NFKBIZ: variants seen among roughly 807,000 people sequenced by gnomAD.
NFKBIZ encodes the protein NFKB inhibitor zeta.
NFKBIZ carries 19 observed loss-of-function variants against 76.8 expected under a neutral mutation model. The observed-to-expected ratio is 0.25, with a 90% CI of 0.17 to 0.36. The LOEUF (loss-of-function observed/expected upper bound fraction) is 0.36, where lower values mean the gene tolerates loss of function less well. Ranked by LOEUF, NFKBIZ falls within the 10% of genes least tolerant of loss-of-function variation. The pLI is 1.00. For synonymous variants in NFKBIZ, 368 were observed against 354.8 expected, an observed-to-expected ratio of 1.04 and a Z score of -0.42; for missense variants, 829 against 910.9, an observed-to-expected ratio of 0.91 and a Z score of 1.16.
At chr3:101,836,846 C>T (rs1256337022) in intron 2 of NFKBIZ, among the ~76,000 whole-genome samples, 1 of 152,216 alleles carries the variant, frequency 6.6e-6, no homozygotes, top group Non-Finnish European at 1.5e-5. Flanking sequence ...TCTGCTACAT[C>T]ATTTCTTTAT....
chr3:101,851,289 T>C (rs577270903), intron 1 of NFKBIZ, among the ~76,000 whole-genome samples: 1 of 152,384 alleles, frequency 6.6e-6, no homozygotes, highest in East Asian at 1.9e-4. Context: ...TGGAGTACTG[T>C]ACTTGTATAC....
chr3:101,838,537 A>G (rs1942751412), intron 2 of NFKBIZ, among the ~76,000 whole-genome samples: 1 of 152,270 alleles, frequency 6.6e-6, no homozygotes, highest in Non-Finnish European at 1.5e-5. Flanking sequence ...AGGCACTTAT[A>G]TAAACATTTA....
chr3:101,849,240 G>GCGGGAA, upstream of NFKBIZ: 1 of 152,122 alleles, frequency 6.6e-6, no homozygotes, highest in South Asian at 2.1e-4. Flanking sequence ...GGAGGCGGGA[G>GCGGGAA]GCGGGAAGCG....
exon 1 of NFKBIZ, chr3:101,828,070 G>A (rs899479717): frequency 1.3e-5 from 2 of 152,172 alleles, no homozygotes; most frequent in Non-Finnish European, 2.9e-5. Context: ...ACCTCAAAAG[G>A]AAACTGATCG....
At chr3:101,856,802 T>C (rs1943056060) in intron 9 of NFKBIZ, 1 of 324,096 alleles carries the variant, frequency 3.1e-6, no homozygotes, top group African/African-American at 2.2e-5. Flanking sequence ...TGACATAGGA[T>C]TTAAAAATAT....
intron 2 of NFKBIZ, among the ~76,000 whole-genome samples, chr3:101,837,682 C>T (rs575030970): frequency 3.9e-5 from 6 of 152,154 alleles, no homozygotes; most frequent in African/African-American, 1.4e-4. Context: ...TGTTGGTTTC[C>T]ATCCTCTCCT....
intron 6 of NFKBIZ, 122 bp downstream of exon 6, chr3:101,854,805 T>C: frequency 2.6e-6 from 2 of 778,074 alleles, no homozygotes; most frequent in Middle Eastern, 2.7e-4. Flanking sequence ...AATATTAACT[T>C]TGAGATGTTG....
In NFKBIZ at chr3:101,860,118, G is replaced by A. The variant is rs1943111334; in HGVS notation, c.*747G>A. On this transcript the variant is annotated 3_prime_UTR_variant, in exon 12 of 12. Transcript: ENST00000326172. ...CCTTTACTGGCTGAAAGATATATTC[G>A]AATTGTAAAGATGCTTTTTCTCATG... The A allele has an allele frequency of 6.6e-6, 1 of 151,828 alleles. No individual in the cohort carries two copies. Among genetic ancestry groups the A allele is most frequent in the South Asian group, 2.1e-4 (1 of 4,818 alleles). 9.4% of individuals were successfully genotyped at this position (151,828 alleles called of 1,614,324 possible). A position where few individuals can be genotyped will look rare whatever the true frequency, so the allele number is the denominator to read the frequency against.
chr3:101,855,603 T>G (rs922591685), intron 8 of NFKBIZ, 130 bp from the exon 9 acceptor site: 13 of 1,233,730 alleles, frequency 1.1e-5, no homozygotes, highest in Admixed American at 6.5e-5. Context: ...AATATTCAGA[T>G]TGCCTTACTA....
intron 2 of NFKBIZ, among the ~76,000 whole-genome samples, chr3:101,834,026 G>T (rs549291751): frequency 3.8e-4 from 58 of 152,330 alleles, no homozygotes; most frequent in African/African-American, 1.3e-3. Context: ...TACTGTTGAT[G>T]CCTTGGTGGG....
intron 2 of NFKBIZ, among the ~76,000 whole-genome samples, chr3:101,840,721 A>G (rs1942775703): frequency 6.6e-6 from 1 of 152,118 alleles, no homozygotes; most frequent in Admixed American, 6.5e-5. Context: ...GTTTATTGGG[A>G]TGTTCAACTG....
intron 1 of NFKBIZ, chr3:101,850,503 G>C (rs1189500565): frequency 2.6e-5 from 4 of 152,070 alleles, no homozygotes; most frequent in Non-Finnish European, 5.9e-5. Context: ...GAATTTTTGC[G>C]GTCTTGTTTT....
At chr3:101,857,254 C>G (rs967580729) in intron 10 of NFKBIZ, 38 bp from the exon 11 acceptor site, 2 of 1,612,512 alleles carry the variant, frequency 1.2e-6, no homozygotes, top group African/African-American at 2.7e-5. Flanking sequence ...GAAATTTCCC[C>G]CTTCCTGATG....
chr3:101,849,118 C>G (rs1332709474), upstream of NFKBIZ: 1 of 152,660 alleles, frequency 6.6e-6, no homozygotes, highest in Non-Finnish European at 1.5e-5. Context: ...CCGCCTCCCT[C>G]TGCAGGCCCA....
intron 8 of NFKBIZ, 120 bp downstream of exon 8, chr3:101,855,578 G>T: frequency 8.0e-7 from 1 of 1,249,992 alleles, no homozygotes; most frequent in South Asian, 1.3e-5. Flanking sequence ...GGTAAAATTA[G>T]ACCCAAAAAG....
chr3:101,858,996 C>A (rs1355058604), intron 11 of NFKBIZ, among the ~76,000 whole-genome samples: 2 of 152,040 alleles, frequency 1.3e-5, no homozygotes, highest in African/African-American at 4.8e-5. Flanking sequence ...AATGTTCTCA[C>A]AAATAGCAAG....
At chr3:101,829,212 A>T (rs1270823492) in intron 1 of NFKBIZ, among the ~76,000 whole-genome samples, 1 of 152,226 alleles carries the variant, frequency 6.6e-6, no homozygotes, top group Non-Finnish European at 1.5e-5. Context: ...ACAGTTGGGC[A>T]GGGTACAGGC....
At chr3:101,846,448 G>A (rs1404325792), upstream of NFKBIZ, among the ~76,000 whole-genome samples, 1 of 152,224 alleles carries the variant, frequency 6.6e-6, no homozygotes, top group Non-Finnish European at 1.5e-5. Context: ...ATTGGGGGTT[G>A]TGGTCTTGTC....
intron 11 of NFKBIZ, among the ~76,000 whole-genome samples, 190 bp from the exon 12 acceptor site, chr3:101,859,128 G>GC (rs11443767): frequency 0.57 from 86,854 of 151,928 alleles, 25,104 homozygotes; most frequent in Admixed American, 0.67. Flanking sequence ...TCTGAAATAA[G>GC]TTTAAAAGGA....
Sources: gnomAD v4.1 joint callset for allele counts (sites outside exome capture counted in the v4.1 genomes callset) on GRCh38, gnomAD v4.1.1 for gene constraint, MANE v1.5 for transcripts, NCBI Gene and HGNC (gene_info 2026-07-23, HGNC 2026-07-21) for gene names.